The following LMBR1 variants were observed in gnomAD, a reference collection of about 807,000 sequenced individuals.
LMBR1 encodes the protein limb region 1 protein homolog.
A neutral mutation model predicts 73.9 loss-of-function variants in LMBR1; 52 were observed. That is an observed-to-expected ratio of 0.70 (90% CI 0.56 to 0.89). The LOEUF (loss-of-function observed/expected upper bound fraction) is 0.89. Among genes scored for constraint, LMBR1 ranks in the 40% least tolerant of loss-of-function variants. The pLI is 0.00. For synonymous variants in LMBR1, 215 were observed against 209.4 expected (o/e 1.03, Z -0.23); for missense variants, 539 against 579.8 (o/e 0.93, Z 0.72).
At chr7:156,825,248 A>G (rs1563460257) in intron 4 of LMBR1, among the ~76,000 whole-genome samples, 1 of 152,270 alleles carries the variant, frequency 6.6e-6, no homozygotes, top group East Asian at 1.9e-4. Context: ...AGATGAAGAA[A>G]TTGAAATACA....
intron 15 of LMBR1, among the ~76,000 whole-genome samples, chr7:156,694,286 C>G (rs764214858): frequency 6.6e-6 from 1 of 152,126 alleles, no homozygotes; most frequent in Admixed American, 6.5e-5. Flanking sequence ...GCGCATGCCA[C>G]CATGCCAGGC....
intron 16 of LMBR1, 77 bp from the exon 17 acceptor site, chr7:156,684,240 G>A (rs965973113): frequency 1.8e-6 from 2 of 1,109,682 alleles, no homozygotes; most frequent in African/African-American, 1.6e-5. Flanking sequence ...AGGGAGAAGA[G>A]GAGATTTACA....
chr7:156,749,623 C>A (rs1391793031), intron 9 of LMBR1, among the ~76,000 whole-genome samples: 2 of 151,974 alleles, frequency 1.3e-5, no homozygotes, highest in African/African-American at 2.4e-5. Flanking sequence ...TGACACCCAG[C>A]AAAAATGAAA....
At chr7:156,840,974 A>AG (rs1838598708) in intron 1 of LMBR1, among the ~76,000 whole-genome samples, 1 of 141,712 alleles carries the variant, frequency 7.1e-6, no homozygotes, top group African/African-American at 3.1e-5. Context: ...CAAAAAAAAA[A>AG]AAAAAAAAAA....
chr7:156,787,100 C>T (rs1828243354), intron 5 of LMBR1, among the ~76,000 whole-genome samples: 1 of 152,122 alleles, frequency 6.6e-6, no homozygotes, highest in Non-Finnish European at 1.5e-5. Context: ...GACAGTCTTC[C>T]TCTATCAATG....
chr7:156,818,647 G>C (rs1834294199), intron 4 of LMBR1, among the ~76,000 whole-genome samples: 1 of 152,008 alleles, frequency 6.6e-6, no homozygotes, highest in African/African-American at 2.4e-5. Flanking sequence ...CTGTTCATTT[G>C]CAATGGTGTG....
Position 156,762,174 on chromosome 7 carries a change from C to A in LMBR1, c.644G>T (p.Arg215Leu), listed in dbSNP as rs775415352. The A allele has an allele frequency of 5.0e-6, 8 of 1,611,194 alleles. No individual in the cohort carries two copies. Among genetic ancestry groups the A allele is most frequent in the Admixed American group, 1.7e-5 (1 of 60,008 alleles). Residue 215 changes from arginine (R) to leucine (L), a missense_variant, in exon 8 of 17, where the codon CGT (arginine) becomes CTT (leucine). Transcript: ENST00000353442. ...LLLCTPVGLS[R>L]MFTVMGQLLV... ...CAACTGACCCATCACTGTGAACATA[C>A]GAGAAAGGCCAACTGGTGTACACAC...
chr7:156,876,519 T>C (rs983834441), intron 1 of LMBR1, among the ~76,000 whole-genome samples: 1 of 152,152 alleles, frequency 6.6e-6, no homozygotes, highest in Non-Finnish European at 1.5e-5. Flanking sequence ...TGAATATATA[T>C]TCTATTCATC....
intron 8 of LMBR1, among the ~76,000 whole-genome samples, chr7:156,758,119 G>A (rs578189354): frequency 1.8e-4 from 28 of 152,316 alleles, no homozygotes; most frequent in East Asian, 1.2e-3. Context: ...GGCAAGTGCT[G>A]GAATGTGAGC....
chr7:156,803,316 A>AG (rs1831358120), intron 4 of LMBR1, among the ~76,000 whole-genome samples: 1 of 152,098 alleles, frequency 6.6e-6, no homozygotes, highest in East Asian at 1.9e-4. Context: ...AAAAAAACAA[A>AG]CAACCCCATC....
At chr7:156,796,129 A>G (rs1428912147) in intron 5 of LMBR1, among the ~76,000 whole-genome samples, 1 of 152,192 alleles carries the variant, frequency 6.6e-6, no homozygotes, top group African/African-American at 2.4e-5. Context: ...AAAAGCTATT[A>G]TATCAGGTTT....
chr7:156,700,353 G>T (rs112421885), intron 15 of LMBR1, among the ~76,000 whole-genome samples: 1 of 151,900 alleles, frequency 6.6e-6, no homozygotes, highest in East Asian at 1.9e-4. Context: ...GAGAACACAT[G>T]GACACAGGAA....
chr7:156,674,034 C>A (rs183111258), downstream of LMBR1, among the ~76,000 whole-genome samples: 1 of 152,170 alleles, frequency 6.6e-6, no homozygotes. Context: ...GAGATCTCCA[C>A]GGGACTTGTT....
At chr7:156,824,849 A>G (rs76703249) in intron 4 of LMBR1, among the ~76,000 whole-genome samples, 1 of 138,926 alleles carries the variant, frequency 7.2e-6, no homozygotes, top group African/African-American at 3.0e-5. Flanking sequence ...TGTCTCAATA[A>G]AAAAAAAAAA....
At chr7:156,674,976 C>A (rs60405374), downstream of LMBR1, among the ~76,000 whole-genome samples, 1 of 152,092 alleles carries the variant, frequency 6.6e-6, no homozygotes, top group African/African-American at 2.4e-5. Context: ...AACAATATAC[C>A]CTTTTCCCCT....
chr7:156,769,472 C>G (rs1265334038), intron 5 of LMBR1, among the ~76,000 whole-genome samples: 2 of 152,208 alleles, frequency 1.3e-5, no homozygotes, highest in Non-Finnish European at 2.9e-5. Context: ...ACATCCACCA[C>G]CAGATCTGAA....
In LMBR1 at chr7:156,682,028, G is replaced by T. The variant is rs1419087265; in HGVS notation, c.*2050C>A. The T allele has an allele frequency of 6.6e-6, 1 of 152,250 alleles. No homozygotes were observed. Among genetic ancestry groups the T allele is most frequent in the African/African-American group, 2.4e-5 (1 of 41,464 alleles). The allele number at this position is 152,250 out of a possible 1,614,324, so 9.4% of individuals were successfully genotyped here. A position where few individuals can be genotyped will look rare whatever the true frequency, so the allele number is the denominator to read the frequency against. On this transcript the variant is annotated 3_prime_UTR_variant, in exon 17 of 17. Transcript: ENST00000353442. ...AGCCCAAGGCTGTAACAATCTATTT[G>T]TTCTCAAGGCATATGAGTCCCAGGT... is the stretch of plus-strand genomic sequence containing the variant.
chr7:156,848,564 T>C (rs1795816365), intron 1 of LMBR1, among the ~76,000 whole-genome samples: 1 of 152,180 alleles, frequency 6.6e-6, no homozygotes, highest in Non-Finnish European at 1.5e-5. Context: ...GGAATGCTTA[T>C]AAACTGGCTA....
intron 4 of LMBR1, among the ~76,000 whole-genome samples, chr7:156,807,415 T>C (rs114828885): frequency 0.068 from 10,312 of 152,266 alleles, 435 homozygotes; most frequent in African/African-American, 0.11. Flanking sequence ...CTTTAATAGT[T>C]TTTGCCTGTT....
Sources: gnomAD v4.1 joint callset for allele counts (sites outside exome capture counted in the v4.1 genomes callset) on GRCh38, gnomAD v4.1.1 for gene constraint, MANE v1.5 for transcripts, NCBI Gene and HGNC (gene_info 2026-07-23, HGNC 2026-07-21) for gene names.